DOK6: variants seen among roughly 807,000 people sequenced by gnomAD.
The protein encoded by DOK6 is docking protein 6.
In DOK6, 22 loss-of-function variants were observed where a neutral mutation model predicts 44.0. The ratio of observed to expected loss-of-function variants is 0.50; its 90% CI spans 0.36 to 0.71. The LOEUF is 0.71. Among genes scored for constraint, DOK6 ranks in the 30% least tolerant of loss-of-function variants. The pLI is 0.00. For synonymous variants in DOK6, 166 were observed against 145.5 expected (o/e 1.14, Z -1.01); for missense variants, 340 against 416.4 (o/e 0.82, Z 1.60).
chr18:69,565,473 ACG>A (rs1982946589), intron 2 of DOK6, among the ~76,000 whole-genome samples: 5 of 108,868 alleles, frequency 4.6e-5, no homozygotes, highest in Non-Finnish European at 9.2e-5. Context: ...TTCTGTCTCT[ACG>A]TGTGTGTGTG....
intron 2 of DOK6, among the ~76,000 whole-genome samples, chr18:69,590,109 T>C (rs1326877853): frequency 6.6e-6 from 1 of 152,178 alleles, no homozygotes; most frequent in Admixed American, 6.5e-5. Flanking sequence ...AAATGCCTAG[T>C]GGTCTTCACA....
intron 1 of DOK6, among the ~76,000 whole-genome samples, chr18:69,504,114 A>G (rs545768422): frequency 2.0e-3 from 301 of 152,104 alleles, no homozygotes; most frequent in African/African-American, 6.7e-3. Flanking sequence ...CTAGTCTGAG[A>G]GTTAATGGGA....
rs1025442075 is a variant in DOK6, at chr18:69,804,802, G to T, written c.857-36442G>T. On this transcript the variant is annotated intron_variant, in intron 7 of 7. Coordinates refer to ENST00000382713, the MANE Select transcript of DOK6 (RefSeq NM_152721.6). The stretch of plus-strand genomic sequence containing the variant: ...ATCTTAAGTCAAATGTTTTTATATT[G>T]ACACATATGCTTGTTCTGCAGCCTC... Among the ~76,000 whole-genome samples the T allele has an allele frequency of 2.0e-5, 3 of 152,162 alleles. No homozygotes were observed. The South Asian group carries it at 6.2e-4, about 32-fold the overall frequency.
At chr18:69,599,300 T>C (rs1983818066) in intron 2 of DOK6, 84 bp from the exon 3 acceptor site, 1 of 946,268 alleles carries the variant, frequency 1.1e-6, no homozygotes, top group Non-Finnish European at 1.6e-6. Flanking sequence ...CATGTAAGAC[T>C]GTGATAACTT....
Position 69,564,520 on chromosome 18 carries a change from G to A in DOK6, c.100G>A (p.Ala34Thr). The change falls in exon 2 of 8, where the codon GCT (alanine) becomes ACT (threonine). Residue 34 changes from alanine (A) to threonine (T), a missense_variant. Physicochemically the swap from Ala to Thr is moderately conservative, Grantham distance 58. This residue lies in a region of DOK6 where 206 missense variants were observed against 258.6 expected (regional missense o/e 0.80). Coordinates refer to ENST00000382713, the MANE Select transcript of DOK6 (RefSeq NM_152721.6). The part of the protein sequence containing the change: ...FRRCWLVFKK[A>T]SSKGPRRLEK... ...ACGATGCTGGTTGGTTTTCAAGAAG[G>A]CTTCTAGCAAAGGACCCAGAAGGTT... The A allele has an allele frequency of 1.9e-6, 3 of 1,613,924 alleles. No individual in the cohort carries two copies. The highest frequency in any genetic ancestry group is 2.5e-6 in the Non-Finnish European group (3 of 1,179,906).
At chr18:69,433,485 T>G (rs1020850776) in intron 1 of DOK6, among the ~76,000 whole-genome samples, 1 of 152,110 alleles carries the variant, frequency 6.6e-6, no homozygotes, top group Non-Finnish European at 1.5e-5. Flanking sequence ...AAAAATGCAT[T>G]TAACCAAAAT....
intron 7 of DOK6, among the ~76,000 whole-genome samples, chr18:69,836,438 G>T (rs1292015164): frequency 6.6e-6 from 1 of 151,984 alleles, no homozygotes; most frequent in Non-Finnish European, 1.5e-5. Context: ...GGTAGTGGTA[G>T]TATGAATGTC....
Position 69,781,717 on chromosome 18 carries a change from AATC to A in DOK6, c.856+23847_856+23849del, listed in dbSNP as rs1980274748. On this transcript the variant is annotated intron_variant, in intron 7 of 7. Transcript: ENST00000382713. ...TTTAATTAACATTTTCATATATTGA[AATC>A]ATTTACCATTTTATGCAAATGACAT... 3.3e-5 allele frequency among the ~76,000 whole-genome samples: 5 copies of A among 152,338 alleles called. No individual in the cohort carries two copies. In the South Asian group the frequency reaches 8.3e-4, roughly 25 times the overall value.
intron 1 of DOK6, among the ~76,000 whole-genome samples, chr18:69,417,251 A>G (rs1978365398): frequency 6.6e-6 from 1 of 151,992 alleles, no homozygotes; most frequent in Admixed American, 6.6e-5. Context: ...TCTGGTACCC[A>G]CCATTCTATC....
rs147263199 is a variant in DOK6 at position 69,834,723 on chromosome 18, G to A, written c.857-6521G>A. Among the ~76,000 whole-genome samples, 165 of 152,216 alleles carry A rather than the reference G, an allele frequency of 1.1e-3. 1 individual carries two copies. Among genetic ancestry groups the A allele is most frequent in the African/African-American group, 3.7e-3 (155 of 41,534 alleles). On this transcript the variant is annotated intron_variant, in intron 7 of 7. Coordinates refer to ENST00000382713, the MANE Select transcript of DOK6 (RefSeq NM_152721.6). ...GTAAGTTTATTTATTACAAGATGTC[G>A]TAGAGAGCCCTGGGTTGCTTCTACT...
At chr18:69,558,555 C>T (rs1190977966) in intron 1 of DOK6, among the ~76,000 whole-genome samples, 1 of 152,056 alleles carries the variant, frequency 6.6e-6, no homozygotes, top group Admixed American at 6.6e-5. Flanking sequence ...ATGGTGAATT[C>T]ATATTTCCTA....
At chr18:69,420,791 T>C (rs1251910594) in intron 1 of DOK6, among the ~76,000 whole-genome samples, 4 of 152,134 alleles carry the variant, frequency 2.6e-5, no homozygotes, top group African/African-American at 7.2e-5. Flanking sequence ...CCAGAGGAGG[T>C]TGGCGTATCT....
intron 3 of DOK6, among the ~76,000 whole-genome samples, chr18:69,631,803 T>G (rs1292773975): frequency 6.6e-6 from 1 of 152,202 alleles, no homozygotes; most frequent in Non-Finnish European, 1.5e-5. Context: ...AGACAAAGTG[T>G]CCGAAAATCC....
chr18:69,401,372 G>GC (rs1337699249), intron 1 of DOK6, 62 bp downstream of exon 1: 1 of 1,429,314 alleles, frequency 7.0e-7, no homozygotes. Context: ...GGCTGCCTGG[G>GC]GGGGGGGCAG....
intron 2 of DOK6, among the ~76,000 whole-genome samples, chr18:69,572,700 A>T (rs76019603): frequency 0.085 from 12,907 of 152,022 alleles, 600 homozygotes; most frequent in East Asian, 0.19. Flanking sequence ...GTGAGAAATA[A>T]CATTAAGAGT....
chr18:69,493,050 A>G (rs1980781608), intron 1 of DOK6, among the ~76,000 whole-genome samples: 1 of 152,086 alleles, frequency 6.6e-6, no homozygotes. Context: ...TATCACATCT[A>G]TATAAACATC....
chr18:69,738,815 G>T, intron 5 of DOK6, 150 bp from the exon 6 acceptor site: 10 of 809,804 alleles, frequency 1.2e-5, no homozygotes, highest in Middle Eastern at 2.4e-4. Context: ...TGCACTTTTT[G>T]GTTGGTTTGG....
chr18:69,710,324 A>G (rs1391962741), intron 5 of DOK6, among the ~76,000 whole-genome samples: 2 of 152,266 alleles, frequency 1.3e-5, no homozygotes, highest in Non-Finnish European at 2.9e-5. Context: ...TCTAATTTTC[A>G]CATACATTAT....
chr18:69,806,314 G>T (rs1009414787), intron 7 of DOK6, among the ~76,000 whole-genome samples: 52 of 151,926 alleles, frequency 3.4e-4, no homozygotes, highest in African/African-American at 1.2e-3. Flanking sequence ...ATATAAAAAT[G>T]TTCAGAAGCA....
Sources: allele counts gnomAD v4.1 joint callset (sites outside exome capture counted in the v4.1 genomes callset), GRCh38; gene constraint gnomAD v4.1.1; regional missense constraint gnomAD v4.1.1; transcripts MANE v1.5; gene names NCBI Gene and HGNC (gene_info 2026-07-23, HGNC 2026-07-21).